AKAP6: variants seen among roughly 807,000 people sequenced by gnomAD.
The protein encoded by AKAP6 is A-kinase anchor protein 6.
AKAP6 carries 58 observed loss-of-function variants against 188.5 expected under a neutral mutation model. The observed-to-expected ratio is 0.31, with a 90% CI of 0.25 to 0.38. The LOEUF is 0.38. AKAP6 is among the 10% of genes least tolerant of loss of function. The pLI is 1.00. For missense variants in AKAP6, 2,710 were observed against 2,740.0 expected (o/e 0.99, Z 0.24); for synonymous variants, 989 against 998.6 (o/e 0.99, Z 0.18).
chr14:32,425,168 G>A (rs1488011365), intron 1 of AKAP6, among the ~76,000 whole-genome samples: 6 of 151,928 alleles, frequency 3.9e-5, no homozygotes, highest in African/African-American at 4.8e-5. Context: ...TTTTTTTGAC[G>A]TTTTAATAAT....
chr14:32,455,981 T>C (rs2138801399), intron 2 of AKAP6, among the ~76,000 whole-genome samples: 1 of 152,240 alleles, frequency 6.6e-6, no homozygotes, highest in South Asian at 2.1e-4. Flanking sequence ...GAAGGGATTT[T>C]ATTGTAATCT....
intron 11 of AKAP6, among the ~76,000 whole-genome samples, chr14:32,772,214 T>A (rs2139988487): frequency 6.6e-6 from 1 of 152,238 alleles, no homozygotes; most frequent in South Asian, 2.1e-4. Context: ...TTGAATGTCT[T>A]AGGGATTTCT....
chr14:32,585,516 A>G lies in AKAP6; in HGVS notation c.2469+8274A>G, dbSNP rs77073860. ...TATGTGTGTGTGTGTGTGTGTGTGT[A>G]TGTACAACACAACTGTAAGTGTGAG... On this transcript the variant is annotated intron_variant, in intron 5 of 13. Coordinates refer to ENST00000280979, the MANE Select transcript of AKAP6 (RefSeq NM_004274.5). Among the ~76,000 whole-genome samples the G allele has an allele frequency of 6.3e-5, 9 of 143,128 alleles. 1 individual carries two copies. In the South Asian group the frequency reaches 1.4e-3, roughly 22 times the overall value. The allele number at this position is 143,128 out of a possible 152,430, so 93.9% of individuals were successfully genotyped here. A position where few individuals can be genotyped will look rare whatever the true frequency, so the allele number is the denominator to read the frequency against.
At chr14:32,599,927 G>T (rs1168615039) in intron 6 of AKAP6, among the ~76,000 whole-genome samples, 1 of 152,148 alleles carries the variant, frequency 6.6e-6, no homozygotes, top group African/African-American at 2.4e-5. Context: ...TTTCCCTGCC[G>T]CTTCACACAC....
chr14:32,557,161 G>A (rs951557696), intron 4 of AKAP6, among the ~76,000 whole-genome samples: 1 of 152,038 alleles, frequency 6.6e-6, no homozygotes, highest in Admixed American at 6.5e-5. Flanking sequence ...GATAGCTCAC[G>A]TCAAGTCTCC....
At chr14:32,609,830 T>G (rs568066133) in intron 7 of AKAP6, among the ~76,000 whole-genome samples, 62 of 151,286 alleles carry the variant, frequency 4.1e-4, no homozygotes, top group African/African-American at 1.5e-3. Context: ...CCAAGTCTGT[T>G]TCATGGACCT....
At chr14:32,526,530 G>T (rs1594710524) in intron 2 of AKAP6, among the ~76,000 whole-genome samples, 1 of 152,048 alleles carries the variant, frequency 6.6e-6, no homozygotes, top group East Asian at 1.9e-4. Flanking sequence ...CACAGTGCCT[G>T]GCCCAGGCTT....
At chr14:32,544,615 G>A (rs1419472314) in intron 3 of AKAP6, among the ~76,000 whole-genome samples, 1 of 152,012 alleles carries the variant, frequency 6.6e-6, no homozygotes, top group Non-Finnish European at 1.5e-5. Flanking sequence ...GATAAAGTTT[G>A]GACATTCATT....
At chr14:32,492,143 G>C (rs932915119) in intron 2 of AKAP6, among the ~76,000 whole-genome samples, 1 of 151,718 alleles carries the variant, frequency 6.6e-6, no homozygotes, top group Non-Finnish European at 1.5e-5. Flanking sequence ...CATCTCATGT[G>C]ATGCCCCTTC....
At chr14:32,580,913 T>C (rs1884936213) in intron 5 of AKAP6, among the ~76,000 whole-genome samples, 1 of 152,220 alleles carries the variant, frequency 6.6e-6, no homozygotes, top group African/African-American at 2.4e-5. Flanking sequence ...TAGTATTCCA[T>C]GGTGTATATG....
chr14:32,695,335 C>T (rs936261252), intron 8 of AKAP6, among the ~76,000 whole-genome samples: 2 of 152,134 alleles, frequency 1.3e-5, no homozygotes, highest in African/African-American at 2.4e-5. Flanking sequence ...GCTGACTACT[C>T]ATCCATAACA....
chr14:32,783,291 T>C (rs2033307038), intron 12 of AKAP6, among the ~76,000 whole-genome samples: 1 of 151,878 alleles, frequency 6.6e-6, no homozygotes, highest in South Asian at 2.1e-4. Flanking sequence ...ATGTAGAAAA[T>C]TTTAGAAAAA....
intron 4 of AKAP6, among the ~76,000 whole-genome samples, chr14:32,567,684 A>G (rs1884263475): frequency 6.6e-6 from 1 of 152,166 alleles, no homozygotes; most frequent in African/African-American, 2.4e-5. Flanking sequence ...TACTCCCATC[A>G]AGCCACACTC....
intron 1 of AKAP6, among the ~76,000 whole-genome samples, chr14:32,363,921 C>T (rs562459280): frequency 6.6e-6 from 1 of 152,258 alleles, no homozygotes; most frequent in Non-Finnish European, 1.5e-5. Context: ...GGCGTTCATT[C>T]CATGGTGAGG....
intron 2 of AKAP6, among the ~76,000 whole-genome samples, chr14:32,521,180 T>C (rs1046035659): frequency 5.9e-5 from 9 of 152,244 alleles, no homozygotes; most frequent in Non-Finnish European, 1.0e-4. Context: ...ATTGATGGGA[T>C]GTATCTCAAA....
At chr14:32,584,000 T>G (rs965318760) in intron 5 of AKAP6, among the ~76,000 whole-genome samples, 8 of 152,202 alleles carry the variant, frequency 5.3e-5, no homozygotes, top group Admixed American at 2.6e-4. Flanking sequence ...GCGCCCACTG[T>G]CTGGCACTCC....
At position 32,832,546 on chromosome 14, in the gene AKAP6, A is replaced by G. The variant is rs1442895059; in HGVS notation, c.*2741A>G. The G allele has an allele frequency of 6.6e-6, 1 of 152,192 alleles. No homozygotes were observed. Among genetic ancestry groups the G allele is most frequent in the Non-Finnish European group, 1.5e-5 (1 of 68,034 alleles). 9.4% of individuals were successfully genotyped at this position (152,192 alleles called of 1,614,324 possible). A position where few individuals can be genotyped will look rare whatever the true frequency, so the allele number is the denominator to read the frequency against. ...AATGCCTTTTCAGGTTGGAAGAAGA[A>G]AAATAGCCTCAATCTCCCACCCCAT... is the stretch of plus-strand genomic sequence containing the variant. On this transcript the variant is annotated 3_prime_UTR_variant, in exon 14 of 14. Coordinates refer to ENST00000280979, the MANE Select transcript of AKAP6 (RefSeq NM_004274.5).
chr14:32,460,996 G>A (rs1281441328), intron 2 of AKAP6, among the ~76,000 whole-genome samples: 1 of 152,248 alleles, frequency 6.6e-6, no homozygotes, highest in Non-Finnish European at 1.5e-5. Flanking sequence ...CAAAGTAGCT[G>A]TGGCCAGACC....
At chr14:32,461,935 C>T (rs749430655) in intron 2 of AKAP6, among the ~76,000 whole-genome samples, 6 of 151,568 alleles carry the variant, frequency 4.0e-5, no homozygotes, top group Non-Finnish European at 8.8e-5. Context: ...GTGAAGCATA[C>T]ACAAGTATCA....
Sources: allele counts gnomAD v4.1 joint callset (sites outside exome capture counted in the v4.1 genomes callset), GRCh38; gene constraint gnomAD v4.1.1; transcripts MANE v1.5; gene names NCBI Gene and HGNC (gene_info 2026-07-23, HGNC 2026-07-21).